Variants in PPA2 observed in about 807,000 individuals in gnomAD.
PPA2 encodes inorganic pyrophosphatase 2, mitochondrial.
PPA2 carries 48 observed loss-of-function variants against 49.5 expected under a neutral mutation model. The observed-to-expected ratio is 0.97, with a 90% confidence interval of 0.77 to 1.23. The LOEUF (loss-of-function observed/expected upper bound fraction) is 1.23, where lower values mean the gene tolerates loss of function less well. PPA2 is among the 50% of genes most tolerant of loss of function. The pLI is 0.00. For synonymous variants in PPA2, 131 were observed against 139.9 expected (o/e 0.94, Z 0.45); for missense variants, 429 against 410.1 (o/e 1.05, Z -0.40).
chr4:105,439,477 C>CA (rs1459824817), intron 5 of PPA2, among the ~76,000 whole-genome samples: 1 of 152,066 alleles, frequency 6.6e-6, no homozygotes, highest in Non-Finnish European at 1.5e-5. Context: ...GTTACTGCTT[C>CA]TTTTTTTCTA....
intron 10 of PPA2, among the ~76,000 whole-genome samples, chr4:105,384,123 G>C (rs1490604): frequency 0.52 from 78,577 of 152,040 alleles, 21,239 homozygotes; most frequent in East Asian, 0.69. Context: ...CTAAGAATCC[G>C]AAATCATTCA....
intron 7 of PPA2, among the ~76,000 whole-genome samples, chr4:105,400,483 A>T (rs927741774): frequency 5.9e-5 from 9 of 152,114 alleles, no homozygotes; most frequent in Admixed American, 2.6e-4. Flanking sequence ...TACAAAAAAA[A>T]TTAGCTGGAC....
chr4:105,376,287 T>C (rs1395771454), intron 10 of PPA2, among the ~76,000 whole-genome samples: 1 of 152,226 alleles, frequency 6.6e-6, no homozygotes, highest in Non-Finnish European at 1.5e-5. Context: ...AGCTAAGAAG[T>C]CTTGCATCAA....
chr4:105,455,798 C>T (rs1722852913), intron 2 of PPA2, among the ~76,000 whole-genome samples: 1 of 152,206 alleles, frequency 6.6e-6, no homozygotes, highest in Non-Finnish European at 1.5e-5. Context: ...CTCAGTTCTT[C>T]AGTGGCCTCT....
chr4:105,398,770 G>T, intron 8 of PPA2: 1 of 255,624 alleles, frequency 3.9e-6, no homozygotes, highest in Non-Finnish European at 7.2e-6. Context: ...TGCAAAATTA[G>T]TCTGATCATG....
chr4:105,444,652 C>T (rs911079319), intron 5 of PPA2, among the ~76,000 whole-genome samples: 2 of 152,112 alleles, frequency 1.3e-5, no homozygotes, highest in African/African-American at 2.4e-5. Flanking sequence ...TTTGTTTTTA[C>T]CTCCGTTCCT....
At chr4:105,436,725 A>G (rs1724072431) in intron 6 of PPA2, among the ~76,000 whole-genome samples, 1 of 152,202 alleles carries the variant, frequency 6.6e-6, no homozygotes. Context: ...TGGGGAAAGG[A>G]GACTCTATTC....
intron 10 of PPA2, among the ~76,000 whole-genome samples, chr4:105,380,003 G>C (rs896109377): frequency 6.6e-6 from 1 of 152,068 alleles, no homozygotes; most frequent in African/African-American, 2.4e-5. Flanking sequence ...GTTGTTTTTA[G>C]GTAGAATTTG....
intron 1 of PPA2, among the ~76,000 whole-genome samples, chr4:105,459,717 AAT>A (rs1723007740): frequency 6.6e-6 from 1 of 152,248 alleles, no homozygotes; most frequent in African/African-American, 2.4e-5. Context: ...TCTTTTAATC[AAT>A]GTTTATTAAT....
At chr4:105,447,373 T>C (rs1413673492) in intron 4 of PPA2, among the ~76,000 whole-genome samples, 1 of 152,130 alleles carries the variant, frequency 6.6e-6, no homozygotes, top group African/African-American at 2.4e-5. Flanking sequence ...GAATTATAGT[T>C]ACAGAGGCTA....
Position 105,397,880 on chromosome 4 carries a change from C to G in PPA2, c.783+1157G>C, listed in dbSNP as rs369415770. On this transcript the variant is annotated intron_variant, in intron 8 of 11. Transcript: ENST00000341695. ...TGCCAGCACCATGCTTCTGGTATAG[C>G]CTGTAGGACTGTGAGCTAAATAAAC... Among the ~76,000 whole-genome samples, 6 of 152,126 alleles carry G rather than the reference C, an allele frequency of 3.9e-5. No individual in the cohort carries two copies. In the East Asian group the frequency reaches 7.7e-4, roughly 20 times the overall value.
At chr4:105,453,833 CAA>C (rs1438918564) in intron 2 of PPA2, 191 bp from the exon 3 acceptor site, 6 of 410,274 alleles carry the variant, frequency 1.5e-5, no homozygotes, top group Non-Finnish European at 2.2e-5. Context: ...AATAGAGCAT[CAA>C]AGTGTTTCAT....
intron 3 of PPA2, 89 bp from the exon 4 acceptor site, chr4:105,449,492 T>C: frequency 2.7e-6 from 2 of 734,548 alleles, no homozygotes; most frequent in South Asian, 2.1e-5. Context: ...ACCTTAGATG[T>C]TTTCCCCCGA....
chr4:105,465,306 A>T (rs781773474), intron 1 of PPA2, among the ~76,000 whole-genome samples: 14 of 152,160 alleles, frequency 9.2e-5, no homozygotes, highest in Non-Finnish European at 1.5e-4. Context: ...TCTTTCTTAC[A>T]TTGTCATAAT....
chr4:105,441,984 T>A lies in PPA2; in HGVS notation c.442-3948A>T, dbSNP rs563581055. Among the ~76,000 whole-genome samples the A allele has an allele frequency of 1.3e-4, 19 of 150,306 alleles. No individual in the cohort carries two copies. In the South Asian group the frequency reaches 3.8e-3, roughly 30 times the overall value. ...TCCTATCACAAGTCGAAGGAAGACC[T>A]TTGACTTTCCCACTACCATCACTTT... On this transcript the variant is annotated intron_variant, in intron 5 of 11. Transcript: ENST00000341695.
intron 8 of PPA2, among the ~76,000 whole-genome samples, chr4:105,396,727 G>T (rs2636708): frequency 0.37 from 56,839 of 151,948 alleles, 12,587 homozygotes; most frequent in East Asian, 0.68. Context: ...CATACGATCT[G>T]CAAAGCCTAA....
At chr4:105,436,176 G>T (rs1724043010) in intron 6 of PPA2, among the ~76,000 whole-genome samples, 2 of 151,626 alleles carry the variant, frequency 1.3e-5, no homozygotes, top group South Asian at 4.2e-4. Flanking sequence ...TTCAAGTTGA[G>T]AACAAAATTA....
At chr4:105,397,967 G>C (rs1448002076) in intron 8 of PPA2, among the ~76,000 whole-genome samples, 1 of 151,976 alleles carries the variant, frequency 6.6e-6, no homozygotes, top group Non-Finnish European at 1.5e-5. Context: ...GGGCACTAAG[G>C]CTCTATATTT....
intron 10 of PPA2, among the ~76,000 whole-genome samples, chr4:105,374,928 T>C (rs2636695): frequency 2.0e-5 from 3 of 150,884 alleles, no homozygotes; most frequent in Non-Finnish European, 4.4e-5. Flanking sequence ...CTGAACTCAA[T>C]TGATCTACCC....
Sources: allele counts gnomAD v4.1 joint callset (sites outside exome capture counted in the v4.1 genomes callset), GRCh38; gene constraint gnomAD v4.1.1; transcripts MANE v1.5; gene names NCBI Gene and HGNC (gene_info 2026-07-23, HGNC 2026-07-21).